VPS37A: variants seen among roughly 807,000 people sequenced by gnomAD.
VPS37A encodes the protein vacuolar protein sorting-associated protein 37A.
A neutral mutation model predicts 49.8 loss-of-function variants in VPS37A; 30 were observed. That is an observed-to-expected ratio of 0.60 (90% CI 0.45 to 0.82). VPS37A has a LOEUF of 0.82. Ranked by LOEUF, VPS37A falls within the 40% of genes least tolerant of loss-of-function variation. The pLI is 0.00. For missense variants in VPS37A, 593 were observed against 464.4 expected (o/e 1.28, Z -2.55); for synonymous variants, 195 against 160.6 (o/e 1.21, Z -1.62).
the VPS37A span, among the ~76,000 whole-genome samples, chr8:17,328,025 T>C: frequency 3.9e-5 from 6 of 152,320 alleles, no homozygotes; most frequent in South Asian, 4.1e-4. Context: ...AATGAATACA[T>C]TGATGAATAA....
At chr8:17,271,479 A>G (rs1209330384) in intron 4 of VPS37A, among the ~76,000 whole-genome samples, 2 of 152,066 alleles carry the variant, frequency 1.3e-5, no homozygotes, top group Admixed American at 1.3e-4. Flanking sequence ...GGTGGTGGGC[A>G]CCTGTAGTCC....
intron 1 of VPS37A, among the ~76,000 whole-genome samples, chr8:17,260,739 G>A (rs1812890766): frequency 6.6e-6 from 1 of 152,076 alleles, no homozygotes; most frequent in South Asian, 2.1e-4. Context: ...TTTTTGGATG[G>A]CAAGTTGTTT....
downstream of VPS37A, among the ~76,000 whole-genome samples, chr8:17,303,170 A>C (rs961726421): frequency 2.6e-5 from 4 of 152,202 alleles, no homozygotes; most frequent in African/African-American, 9.6e-5. Context: ...TGCAGTGCCC[A>C]GAACAGTGTT....
At chr8:17,328,415 G>A in the VPS37A span, among the ~76,000 whole-genome samples, 1 of 152,154 alleles carries the variant, frequency 6.6e-6, no homozygotes, top group Non-Finnish European at 1.5e-5. Flanking sequence ...TCTACGGACT[G>A]TTTTAATGGA....
chr8:17,254,414 G>C (rs547534871), intron 1 of VPS37A, among the ~76,000 whole-genome samples: 1 of 152,262 alleles, frequency 6.6e-6, no homozygotes, highest in East Asian at 1.9e-4. Context: ...AACAAGCTAG[G>C]AAAAGAGGCT....
intron 1 of VPS37A, 149 bp downstream of exon 1, chr8:17,247,518 A>G (rs968388289): frequency 2.8e-6 from 3 of 1,090,434 alleles, no homozygotes; most frequent in Non-Finnish European, 4.0e-6. Flanking sequence ...TTGCTCTGCC[A>G]CTCCTGCCCC....
intron 4 of VPS37A, among the ~76,000 whole-genome samples, chr8:17,269,306 A>G (rs1813765338): frequency 1.3e-5 from 2 of 152,056 alleles, no homozygotes; most frequent in African/African-American, 4.8e-5. Flanking sequence ...ATATTATTCC[A>G]TATTTGGTGT....
chr8:17,288,237 T>A (rs1815799257), intron 11 of VPS37A, among the ~76,000 whole-genome samples: 1 of 152,128 alleles, frequency 6.6e-6, no homozygotes, highest in African/African-American at 2.4e-5. Flanking sequence ...TTATTATTAT[T>A]ATGCTTTAAG....
downstream of VPS37A, chr8:17,299,694 A>G: frequency 2.5e-6 from 2 of 815,148 alleles, no homozygotes; most frequent in Non-Finnish European, 3.8e-6. Flanking sequence ...CGTCCTCTTC[A>G]GTATCTAAGA....
Position 17,280,145 on chromosome 8 carries a change from G to A in VPS37A, c.831G>A (p.Glu277=), listed in dbSNP as rs759028852. 2.7e-5 allele frequency: 43 copies of A among 1,612,022 alleles called. No individual in the cohort carries two copies. The highest frequency in any genetic ancestry group is 2.9e-5 in the Non-Finnish European group (34 of 1,179,122). ...AAGATGACTTAGTAAAAAGTATTGAGGAACTAGCAAGTATGTTTTCCCTCT... is the reference window on the plus strand; with the variant it reads ...AAGATGACTTAGTAAAAAGTATTGAAGAACTAGCAAGTATGTTTTCCCTCT... The part of the protein sequence containing the change: ...TDKDDLVKSI[E]ELARKNLLLE... The change falls in exon 7 of 12, where the codon GAG becomes GAA. Residue 277 remains glutamate, a synonymous_variant. Coordinates refer to ENST00000324849, the MANE Select transcript of VPS37A (RefSeq NM_152415.3).
intron 2 of VPS37A, among the ~76,000 whole-genome samples, chr8:17,266,622 A>G (rs1289630016): frequency 2.6e-5 from 4 of 152,146 alleles, no homozygotes; most frequent in Non-Finnish European, 5.9e-5. Context: ...ATAAGAAGGC[A>G]CCTAACTTGA....
intron 2 of VPS37A, among the ~76,000 whole-genome samples, chr8:17,266,972 C>G (rs1257967757): frequency 2.6e-5 from 4 of 152,026 alleles, no homozygotes; most frequent in Non-Finnish European, 4.4e-5. Flanking sequence ...GAGGTTTCAC[C>G]ATGTTGGTCA....
rs924162356 is a variant in VPS37A, at chr8:17,296,066, C to T, written c.*1080C>T. On this transcript the variant is annotated 3_prime_UTR_variant, in exon 12 of 12. Coordinates refer to ENST00000324849, the MANE Select transcript of VPS37A (RefSeq NM_152415.3). ...GGTGCCATCTAAATTACAAAACAAA[C>T]TAATGCATAATTTTGCTTAAATTTC... 1.3e-5 allele frequency: 2 copies of T among 152,202 alleles called. No individual in the cohort carries two copies. The highest frequency in any genetic ancestry group is 4.8e-5 in the African/African-American group (2 of 41,446). The allele number at this position is 152,202 out of a possible 1,614,324, so 9.4% of individuals were successfully genotyped here.
At chr8:17,302,342 A>G, downstream of VPS37A, 1 of 1,544,968 alleles carries the variant, frequency 6.5e-7, no homozygotes, top group Non-Finnish European at 8.7e-7. Context: ...TCACATCCTC[A>G]AGTCTTCTAA....
intron 11 of VPS37A, among the ~76,000 whole-genome samples, chr8:17,291,594 G>A (rs572552703): frequency 1.1e-4 from 16 of 151,798 alleles, no homozygotes; most frequent in East Asian, 3.9e-4. Flanking sequence ...GATTTTTACC[G>A]CTTTCTCCTG....
intron 11 of VPS37A, among the ~76,000 whole-genome samples, chr8:17,289,409 G>A (rs1178213359): frequency 2.0e-5 from 3 of 152,078 alleles, no homozygotes; most frequent in East Asian, 1.9e-4. Flanking sequence ...TCCATTTTTA[G>A]TTTTCTGTGT....
At position 17,297,878 on chromosome 8, in the gene VPS37A, T is replaced by G. The variant is rs1816817716; in HGVS notation, c.*2892T>G. On this transcript the variant is annotated 3_prime_UTR_variant, in exon 12 of 12. Transcript: ENST00000324849. Reference sequence around the variant, plus strand: ...TAAGCAGACGAACATGTTACATAAATTATAATGTCTGTCTTGTAAAAAAGT... The same window carrying G: ...TAAGCAGACGAACATGTTACATAAAGTATAATGTCTGTCTTGTAAAAAAGT... 6.6e-6 allele frequency: 1 copy of G among 152,018 alleles called. No individual in the cohort carries two copies. The highest frequency in any genetic ancestry group is 2.1e-4 in the South Asian group (1 of 4,832). 9.4% of individuals were successfully genotyped at this position (152,018 alleles called of 1,614,324 possible).
chr8:17,317,525 C>A, the VPS37A span, among the ~76,000 whole-genome samples: 1 of 152,196 alleles, frequency 6.6e-6, no homozygotes, highest in Admixed American at 6.5e-5. Context: ...CCTGGTACTC[C>A]TGATCCCAGA....
chr8:17,265,709 A>T, intron 1 of VPS37A, 198 bp from the exon 2 acceptor site: 1 of 1,430,622 alleles, frequency 7.0e-7, no homozygotes, highest in Non-Finnish European at 9.4e-7. Context: ...GATAGTTTAG[A>T]ATGTTACTGT....
Sources: gnomAD v4.1 joint callset for allele counts (sites outside exome capture counted in the v4.1 genomes callset) on GRCh38, gnomAD v4.1.1 for gene constraint, MANE v1.5 for transcripts, NCBI Gene and HGNC (gene_info 2026-07-23, HGNC 2026-07-21) for gene names.